The following FHIT variants were observed in gnomAD, a reference collection of about 807,000 sequenced individuals.
FHIT encodes bis(5'-adenosyl)-triphosphatase.
FHIT carries 19 observed loss-of-function variants against 17.9 expected under a neutral mutation model. The observed-to-expected ratio is 1.06, with a 90% CI of 0.74 to 1.56. The LOEUF (loss-of-function observed/expected upper bound fraction) is 1.56. Ranked by LOEUF, FHIT falls within the 40% of genes most tolerant of loss-of-function variation. The pLI is 0.00. For synonymous variants in FHIT, 81 were observed against 69.7 expected (o/e 1.16, Z -0.81); for missense variants, 248 against 189.2 (o/e 1.31, Z -1.82).
At chr3:60,671,832 C>A (rs2040513263) in intron 4 of FHIT, among the ~76,000 whole-genome samples, 1 of 150,984 alleles carries the variant, frequency 6.6e-6, no homozygotes, top group Non-Finnish European at 1.5e-5. Context: ...CACCTGTAAT[C>A]CCAGCTACTT....
chr3:61,183,851 C>G (rs2038419515), intron 2 of FHIT, among the ~76,000 whole-genome samples: 1 of 151,806 alleles, frequency 6.6e-6, no homozygotes, highest in Non-Finnish European at 1.5e-5. Flanking sequence ...AGCAGGTTAG[C>G]AGGTCTCGGT....
intron 4 of FHIT, among the ~76,000 whole-genome samples, chr3:60,566,098 T>C (rs1235044957): frequency 6.6e-6 from 1 of 152,192 alleles, no homozygotes; most frequent in Non-Finnish European, 1.5e-5. Flanking sequence ...TCCTGAATTC[T>C]AGTTTGATTG....
intron 8 of FHIT, among the ~76,000 whole-genome samples, chr3:59,810,540 G>T (rs546787740): frequency 9.2e-5 from 14 of 152,112 alleles, no homozygotes; most frequent in African/African-American, 3.4e-4. Context: ...CTTACCAAAC[G>T]AGTACATTTT....
chr3:61,210,609 T>A (rs1262897575), intron 1 of FHIT, among the ~76,000 whole-genome samples: 4 of 152,218 alleles, frequency 2.6e-5, no homozygotes, highest in Non-Finnish European at 2.9e-5. Context: ...CCGAGCCATG[T>A]GCGGTATATA....
At chr3:60,247,326 C>A (rs972225086) in intron 5 of FHIT, among the ~76,000 whole-genome samples, 2 of 151,460 alleles carry the variant, frequency 1.3e-5, no homozygotes, top group African/African-American at 4.9e-5. Flanking sequence ...AAGTTTAAGG[C>A]CAGCCTGGGC....
intron 4 of FHIT, among the ~76,000 whole-genome samples, chr3:60,698,048 A>G (rs530412300): frequency 3.0e-4 from 45 of 152,316 alleles, no homozygotes; most frequent in African/African-American, 8.4e-4. Flanking sequence ...CTGAGCGATA[A>G]TTATGGATCA....
At chr3:60,311,423 A>G (rs572172684) in intron 5 of FHIT, among the ~76,000 whole-genome samples, 24 of 152,252 alleles carry the variant, frequency 1.6e-4, no homozygotes, top group Non-Finnish European at 2.4e-4. Flanking sequence ...CTCTTTGCTC[A>G]TGAATGGTGA....
rs148631600 is a variant in FHIT at position 60,638,604 on chromosome 3, G to T, written c.-17-101625C>A. Among the ~76,000 whole-genome samples, 331 of 152,174 alleles carry T rather than the reference G, an allele frequency of 2.2e-3. 4 individuals carry two copies. The highest frequency in any genetic ancestry group is 7.4e-3 in the African/African-American group (307 of 41,504). On this transcript the variant is annotated intron_variant, in intron 4 of 9. Transcript: ENST00000492590. ...AAGAGTATCAGTAATTTTAATTTGAGATGTTTTAGGTGATTCCACTGTGGA... is the reference window on the plus strand; with the variant it reads ...AAGAGTATCAGTAATTTTAATTTGATATGTTTTAGGTGATTCCACTGTGGA...
At chr3:59,848,215 A>C (rs1178946849) in intron 8 of FHIT, among the ~76,000 whole-genome samples, 1 of 152,218 alleles carries the variant, frequency 6.6e-6, no homozygotes, top group African/African-American at 2.4e-5. Context: ...TACTGTGCTA[A>C]GAACTGAAAT....
intron 7 of FHIT, among the ~76,000 whole-genome samples, chr3:59,951,156 G>A (rs1284132993): frequency 6.6e-6 from 1 of 152,192 alleles, no homozygotes; most frequent in Non-Finnish European, 1.5e-5. Flanking sequence ...TTTTTCCAGA[G>A]GAGAGGTGGT....
At chr3:59,957,476 T>A (rs1707461506) in intron 7 of FHIT, among the ~76,000 whole-genome samples, 1 of 152,238 alleles carries the variant, frequency 6.6e-6, no homozygotes, top group African/African-American at 2.4e-5. Flanking sequence ...ATTTTTGTTA[T>A]ATCTACCATA....
At chr3:61,239,301 T>A (rs1267896605) in intron 1 of FHIT, among the ~76,000 whole-genome samples, 1 of 152,210 alleles carries the variant, frequency 6.6e-6, no homozygotes, top group East Asian at 1.9e-4. Flanking sequence ...CAATTTCATC[T>A]GATGTCAGTC....
At position 60,121,709 on chromosome 3, in the gene FHIT, A is replaced by AAACAAAAACACACACACACACACAC. The variant is rs1553690214; in HGVS notation, c.104-107558_104-107557insGTGTGTGTGTGTGTGTGTTTTTGTT. On this transcript the variant is annotated intron_variant, in intron 5 of 9. Transcript: ENST00000492590. ...AAAAAACAAACAAACAAACAAAACA[A>AAACAAAAACACACACACACACACAC]ACACACACACACACACACACACACA... is the stretch of plus-strand genomic sequence containing the variant. Among the ~76,000 whole-genome samples, 21 of 116,418 alleles carry AAACAAAAACACACACACACACACAC rather than the reference A, an allele frequency of 1.8e-4. No individual in the cohort carries two copies. The South Asian group carries it at 4.7e-3, about 26-fold the overall frequency. 76.4% of individuals were successfully genotyped at this position (116,418 alleles called of 152,430 possible).
chr3:59,869,634 A>C (rs1575615642), intron 8 of FHIT, among the ~76,000 whole-genome samples: 1 of 141,404 alleles, frequency 7.1e-6, no homozygotes, highest in Non-Finnish European at 1.5e-5. Flanking sequence ...GGTGCCCGCC[A>C]CCACGCCCAG....
intron 5 of FHIT, among the ~76,000 whole-genome samples, chr3:60,278,817 CT>C (rs1707294090): frequency 6.6e-6 from 1 of 151,810 alleles, no homozygotes. Flanking sequence ...TAAAGATAAA[CT>C]TTAAACTATT....
At chr3:60,002,024 A>T (rs1370132738) in intron 7 of FHIT, among the ~76,000 whole-genome samples, 1 of 152,164 alleles carries the variant, frequency 6.6e-6, no homozygotes, top group Non-Finnish European at 1.5e-5. Context: ...GAACGTTAGG[A>T]TAAATGAATT....
chr3:60,869,295 A>T (rs991176499), intron 3 of FHIT, among the ~76,000 whole-genome samples: 3 of 152,184 alleles, frequency 2.0e-5, no homozygotes, highest in Non-Finnish European at 4.4e-5. Context: ...CAGAAACCAA[A>T]TCAGGCTAGG....
intron 4 of FHIT, among the ~76,000 whole-genome samples, chr3:60,578,615 A>G (rs1553658520): frequency 6.6e-6 from 1 of 152,208 alleles, no homozygotes; most frequent in East Asian, 1.9e-4. Context: ...ATGTGGCACA[A>G]GGTTTTGTCA....
At chr3:61,037,096 A>C (rs539539862) in intron 3 of FHIT, among the ~76,000 whole-genome samples, 1 of 152,070 alleles carries the variant, frequency 6.6e-6, no homozygotes, top group African/African-American at 2.4e-5. Flanking sequence ...TATTTTTAGT[A>C]GAGACAGGGT....
Sources: allele counts gnomAD v4.1 joint callset (sites outside exome capture counted in the v4.1 genomes callset), GRCh38; gene constraint gnomAD v4.1.1; transcripts MANE v1.5; gene names NCBI Gene and HGNC (gene_info 2026-07-23, HGNC 2026-07-21).